Variants in CNTN4 observed in about 807,000 individuals in gnomAD.
CNTN4 encodes contactin 4, also known as contactin-4.
Under a neutral mutation model 122.5 loss-of-function variants are expected in CNTN4, and 77 were observed. The ratio of observed to expected loss-of-function variants is 0.63; its 90% confidence interval spans 0.52 to 0.76. The LOEUF (loss-of-function observed/expected upper bound fraction) is 0.76. Among genes scored for constraint, CNTN4 ranks in the 30% least tolerant of loss-of-function variants. The probability of loss-of-function intolerance (pLI) is 0.00; values close to 1 mark genes in which losing one functional copy is unlikely to be tolerated. For missense variants in CNTN4, 1,256 were observed against 1,259.1 expected (o/e 1.00, Z 0.04); for synonymous variants, 512 against 447.0 (o/e 1.15, Z -1.83).
chr3:2,787,141 C>A (rs1171816820), intron 6 of CNTN4, among the ~76,000 whole-genome samples: 2 of 152,134 alleles, frequency 1.3e-5, no homozygotes, highest in East Asian at 3.9e-4. Context: ...CTTTGGGAGG[C>A]CGAGGCGGGT....
At chr3:2,836,404 C>T (rs1018742801) in intron 7 of CNTN4, among the ~76,000 whole-genome samples, 1 of 152,112 alleles carries the variant, frequency 6.6e-6, no homozygotes, top group African/African-American at 2.4e-5. Context: ...AAAGGGAATG[C>T]CTCTCTCTTA....
At chr3:2,255,994 A>G (rs978102689) in intron 2 of CNTN4, among the ~76,000 whole-genome samples, 1 of 152,154 alleles carries the variant, frequency 6.6e-6, no homozygotes, top group African/African-American at 2.4e-5. Context: ...AAATCAATGA[A>G]TCCAGGAGCT....
chr3:2,315,276 C>G (rs958156308), intron 2 of CNTN4, among the ~76,000 whole-genome samples: 3 of 151,608 alleles, frequency 2.0e-5, no homozygotes, highest in Admixed American at 6.6e-5. Context: ...AGAAAGTGAC[C>G]AATTGATTTA....
intron 2 of CNTN4, among the ~76,000 whole-genome samples, chr3:2,222,333 C>T (rs945919903): frequency 1.3e-5 from 2 of 151,962 alleles, no homozygotes; most frequent in Non-Finnish European, 2.9e-5. Flanking sequence ...ATGACATGTC[C>T]ACATTAGGCA....
chr3:2,565,509 C>T (rs1576014518), intron 3 of CNTN4, among the ~76,000 whole-genome samples: 1 of 152,132 alleles, frequency 6.6e-6, no homozygotes, highest in Non-Finnish European at 1.5e-5. Flanking sequence ...CTACTGTAAT[C>T]ACAGGACATA....
chr3:2,666,640 A>G (rs1332413341), intron 4 of CNTN4, among the ~76,000 whole-genome samples: 1 of 152,014 alleles, frequency 6.6e-6, no homozygotes, highest in African/African-American at 2.4e-5. Flanking sequence ...CATGTGCACA[A>G]CGTGCAGGTT....
intron 3 of CNTN4, among the ~76,000 whole-genome samples, chr3:2,360,100 A>G (rs2045060149): frequency 6.6e-6 from 1 of 152,218 alleles, no homozygotes; most frequent in South Asian, 2.1e-4. Flanking sequence ...ACAGATTATG[A>G]CTATTTATTG....
At chr3:2,816,380 A>T (rs114188713) in intron 6 of CNTN4, among the ~76,000 whole-genome samples, 3,420 of 151,736 alleles carry the variant, frequency 0.023, 121 homozygotes, top group African/African-American at 0.078. Context: ...ATAAATAAAT[A>T]AAATAAATAA....
At chr3:2,980,942 C>A (rs1001214025) in intron 13 of CNTN4, among the ~76,000 whole-genome samples, 1 of 152,146 alleles carries the variant, frequency 6.6e-6, no homozygotes, top group African/African-American at 2.4e-5. Context: ...CTGTTGTCTG[C>A]TTCTTGCTGT....
rs1414755931 is a variant in CNTN4 at position 2,926,941 on chromosome 3, G to T, written c.1358+1162G>T. On this transcript the variant is annotated intron_variant, in intron 13 of 24. Coordinates refer to ENST00000418658, the MANE Select transcript of CNTN4 (RefSeq NM_175607.3). The stretch of plus-strand genomic sequence containing the variant: ...AAACCTGAAAATCAATAGCATAATT[G>T]CTTATTTTGCAGTCATCAACATGAG... Among the ~76,000 whole-genome samples the T allele has an allele frequency of 2.0e-5, 3 of 152,004 alleles. No homozygotes were observed. The East Asian group carries it at 5.8e-4, about 29-fold the overall frequency.
intron 2 of CNTN4, among the ~76,000 whole-genome samples, chr3:2,260,124 T>C (rs551009821): frequency 6.6e-5 from 10 of 152,174 alleles, no homozygotes; most frequent in Non-Finnish European, 1.3e-4. Context: ...TGCCCAAGAA[T>C]GGGGATAGCA....
chr3:2,659,009 C>G (rs2083741392), intron 4 of CNTN4, among the ~76,000 whole-genome samples: 1 of 134,398 alleles, frequency 7.4e-6, no homozygotes, highest in Non-Finnish European at 1.6e-5. Flanking sequence ...CACACACACA[C>G]AGAACTAACC....
chr3:2,584,571 G>A (rs1303970410), intron 4 of CNTN4, among the ~76,000 whole-genome samples: 1 of 151,712 alleles, frequency 6.6e-6, no homozygotes, highest in Non-Finnish European at 1.5e-5. Context: ...AGGCATGATG[G>A]CAGGTGCTTG....
At chr3:2,786,870 G>T (rs1425990006) in intron 6 of CNTN4, among the ~76,000 whole-genome samples, 2 of 152,120 alleles carry the variant, frequency 1.3e-5, no homozygotes, top group Non-Finnish European at 2.9e-5. Flanking sequence ...GTGAAATCTG[G>T]TGTCACTCTT....
chr3:3,038,644 G>C (rs919114893), intron 18 of CNTN4, among the ~76,000 whole-genome samples: 1 of 152,142 alleles, frequency 6.6e-6, no homozygotes, highest in Non-Finnish European at 1.5e-5. Context: ...TCCTCCCTTC[G>C]GGAACCCCTC....
intron 2 of CNTN4, among the ~76,000 whole-genome samples, chr3:2,328,056 C>A (rs2043534125): frequency 6.6e-6 from 1 of 152,184 alleles, no homozygotes; most frequent in African/African-American, 2.4e-5. Context: ...TAAGTTCTTC[C>A]TGGTTTATTA....
In CNTN4 at chr3:2,721,609, G is replaced by C. The variant is rs372671946; in HGVS notation, c.56-14606G>C. Among the ~76,000 whole-genome samples the C allele has an allele frequency of 2.6e-5, 4 of 152,294 alleles. No individual in the cohort carries two copies. In the East Asian group the frequency reaches 7.7e-4, roughly 29 times the overall value. ...TGAGTGTATGTGTGTGTGAGAGAGA[G>C]AGAGAATTTGTTTGTTGCAAACACA... On this transcript the variant is annotated intron_variant, in intron 4 of 24. Coordinates refer to ENST00000418658, the MANE Select transcript of CNTN4 (RefSeq NM_175607.3).
intron 4 of CNTN4, among the ~76,000 whole-genome samples, chr3:2,725,863 C>T (rs959322960): frequency 2.0e-5 from 3 of 152,122 alleles, no homozygotes; most frequent in Admixed American, 6.6e-5. Flanking sequence ...AGAACGAAGA[C>T]CAATGACATG....
intron 14 of CNTN4, among the ~76,000 whole-genome samples, chr3:2,995,894 T>A (rs182845672): frequency 1.3e-5 from 2 of 152,306 alleles, no homozygotes; most frequent in Admixed American, 1.3e-4. Flanking sequence ...CCTAGTGGGA[T>A]TCACACGTGT....
Sources: gnomAD v4.1 joint callset for allele counts (sites outside exome capture counted in the v4.1 genomes callset) on GRCh38, gnomAD v4.1.1 for gene constraint, MANE v1.5 for transcripts, NCBI Gene and HGNC (gene_info 2026-07-23, HGNC 2026-07-21) for gene names.